The following NPC1 variants were observed in gnomAD, a reference collection of about 807,000 sequenced individuals.
The protein encoded by NPC1 is Niemann-Pick C1 protein.
NPC1 carries 85 observed loss-of-function variants against 140.4 expected under a neutral mutation model. That is an observed-to-expected ratio of 0.61 (90% confidence interval 0.51 to 0.72). NPC1 has a LOEUF of 0.72. Among genes scored for constraint, NPC1 ranks in the 30% least tolerant of loss-of-function variants. The pLI is 0.00. For missense variants in NPC1, 1,504 were observed against 1,623.8 expected (o/e 0.93, Z 1.27); for synonymous variants, 656 against 624.8 (o/e 1.05, Z -0.74).
rs750292546 is a variant in NPC1 at position 23,556,257 on chromosome 18, G to A, written c.1312C>T (p.Gln438Ter). The A allele has an allele frequency of 6.2e-7, 1 of 1,614,118 alleles. No homozygotes were observed. The highest frequency in any genetic ancestry group is 1.7e-5 in the Admixed American group (1 of 60,026). ...CAGCAGGTTACCTGGTGCAGTATCTGTATGTCAAGCGGAGGTCCAAAGGGT... is the reference window on the plus strand; with the variant it reads ...CAGCAGGTTACCTGGTGCAGTATCTATATGTCAAGCGGAGGTCCAAAGGGT... ...DVPFGPPLDI[Q>*]ILHQVLDLQI... The change falls in exon 8 of 25, where the codon CAG becomes TAG. Residue 438 changes from glutamine to a stop codon, truncating the protein, a stop_gained. Transcript: ENST00000269228. LOFTEE classifies it high-confidence loss of function.
In NPC1 at chr18:23,531,473, CAAAGCAGATAGGGTAACCCCAAAACTT is replaced by C; in HGVS notation, c.*702_*728del. The C allele has an allele frequency of 7.0e-7, 1 of 1,419,098 alleles. No individual in the cohort carries two copies. Among genetic ancestry groups the C allele is most frequent in the East Asian group, 2.5e-5 (1 of 39,738 alleles). 87.9% of individuals were successfully genotyped at this position (1,419,098 alleles called of 1,614,324 possible). A position where few individuals can be genotyped will look rare whatever the true frequency, so the allele number is the denominator to read the frequency against. The stretch of plus-strand genomic sequence containing the variant: ...CCATTTAGCTTTTGTATTTGTCTCT[CAAAGCAGATAGGGTAACCCCAAAACTT>C]AGGAAAACAATGTATTTTATTAAAG... On this transcript the variant is annotated 3_prime_UTR_variant, in exon 25 of 25. Coordinates refer to ENST00000269228, the MANE Select transcript of NPC1 (RefSeq NM_000271.5).
intron 22 of NPC1, 48 bp downstream of exon 22, chr18:23,535,421 C>CA (rs746697517): frequency 7.4e-7 from 1 of 1,345,250 alleles, no homozygotes; most frequent in African/African-American, 1.4e-5. Context: ...CCAATTCCCC[C>CA]AAGTGAAACA....
chr18:23,525,423 A>T (rs1484889580), downstream of NPC1, among the ~76,000 whole-genome samples: 3 of 150,520 alleles, frequency 2.0e-5, no homozygotes, highest in Admixed American at 6.6e-5. Flanking sequence ...AATTTATTAT[A>T]ATAATAATAA....
chr18:23,509,943 C>T (rs905028911), intron 3 of NPC1, among the ~76,000 whole-genome samples: 1 of 151,112 alleles, frequency 6.6e-6, no homozygotes, highest in Non-Finnish European at 1.5e-5. Context: ...TCAACTCCTG[C>T]CTTGGCCACT....
downstream of NPC1, chr18:23,529,882 G>A: frequency 9.7e-7 from 1 of 1,034,242 alleles, no homozygotes; most frequent in East Asian, 2.4e-5. Flanking sequence ...AGGTCAAGTT[G>A]GGGTCTTTAC....
At chr18:23,541,531 C>CT in intron 14 of NPC1, 98 bp from the exon 15 acceptor site, 1 of 1,523,922 alleles carries the variant, frequency 6.6e-7, no homozygotes, top group African/African-American at 1.4e-5. Flanking sequence ...AAGGAGCCAG[C>CT]ACAGGCCAAA....
intron 20 of NPC1, among the ~76,000 whole-genome samples, chr18:23,537,780 AGCT>A (rs1203843655): frequency 1.3e-5 from 2 of 152,248 alleles, no homozygotes; most frequent in African/African-American, 4.8e-5. Context: ...GAGTAAATCA[AGCT>A]GCAAGATTCA....
intron 10 of NPC1, among the ~76,000 whole-genome samples, chr18:23,548,789 T>G (rs201983394): frequency 1.3e-5 from 2 of 152,272 alleles, no homozygotes; most frequent in South Asian, 2.1e-4. Flanking sequence ...TTTCTTTTTT[T>G]GGGGTGGGGG....
chr18:23,577,021 A>C (rs969866668), intron 1 of NPC1: 1 of 152,212 alleles, frequency 6.6e-6, no homozygotes, highest in African/African-American at 2.4e-5. Context: ...GGTAGAGCCG[A>C]GTGGCCTGTT....
At chr18:23,543,332 GA>G (rs34563465) in intron 14 of NPC1, 122 bp downstream of exon 14, 13,538 of 416,476 alleles carry the variant, frequency 0.033, no homozygotes, top group Middle Eastern at 0.049. Context: ...CCGTCTCAGA[GA>G]AAAAAAAAAA....
intron 11 of NPC1, among the ~76,000 whole-genome samples, chr18:23,547,587 C>CA (rs1390235769): frequency 6.6e-6 from 1 of 151,958 alleles, no homozygotes; most frequent in African/African-American, 2.4e-5. Flanking sequence ...CAAACAAATA[C>CA]AAAAATTAGC....
intron 3 of NPC1, among the ~76,000 whole-genome samples, chr18:23,570,369 G>A (rs531172543): frequency 2.2e-4 from 33 of 152,276 alleles, no homozygotes; most frequent in African/African-American, 7.7e-4. Flanking sequence ...CACCTACGGT[G>A]GATCCTAAAT....
At chr18:23,512,490 G>A (rs1209834378) in intron 3 of NPC1, among the ~76,000 whole-genome samples, 6 of 151,718 alleles carry the variant, frequency 4.0e-5, no homozygotes, top group African/African-American at 1.5e-4. Context: ...GCACAATCAC[G>A]GCTCACTGCA....
downstream of NPC1, among the ~76,000 whole-genome samples, chr18:23,518,121 G>A (rs1375106333): frequency 6.6e-6 from 1 of 152,236 alleles, no homozygotes; most frequent in Non-Finnish European, 1.5e-5. Context: ...CCCTGGGCAG[G>A]CCCAGCACAG....
At chr18:23,519,803 CG>C (rs1178934080), downstream of NPC1, among the ~76,000 whole-genome samples, 22 of 152,168 alleles carry the variant, frequency 1.4e-4, no homozygotes, top group African/African-American at 5.3e-4. Flanking sequence ...GTTTTGAGGC[CG>C]TGTGGACCAG....
intron 3 of NPC1, among the ~76,000 whole-genome samples, chr18:23,511,420 C>T (rs8094196): frequency 0.012 from 1,773 of 152,224 alleles, 38 homozygotes; most frequent in African/African-American, 0.041. Context: ...CCACAAACCC[C>T]GTGACATGAG....
intron 4 of NPC1, among the ~76,000 whole-genome samples, chr18:23,567,829 T>C (rs2059148072): frequency 6.6e-6 from 1 of 152,362 alleles, no homozygotes. Flanking sequence ...TTCCTATTGC[T>C]TCACATTTTC....
At chr18:23,553,755 A>G (rs2058908891) in intron 9 of NPC1, among the ~76,000 whole-genome samples, 1 of 152,166 alleles carries the variant, frequency 6.6e-6, no homozygotes, top group Non-Finnish European at 1.5e-5. Flanking sequence ...ATTCCCCTAC[A>G]GGTCACCAAA....
chr18:23,586,489 C>A lies in NPC1; in HGVS notation c.-146G>T. ...AGGCGCTGACCGCGGCAGCAGGCTG[C>A]GCGCGCCGGTCAGGAAGGAAGAAGG... On this transcript the variant is annotated 5_prime_UTR_variant, in exon 1 of 25. Transcript: ENST00000269228. 1 of 1,422,134 alleles carries A rather than the reference C, an allele frequency of 7.0e-7. No individual in the cohort carries two copies. Among genetic ancestry groups the A allele is most frequent in the Non-Finnish European group, 9.1e-7 (1 of 1,095,916 alleles). The allele number at this position is 1,422,134 out of a possible 1,614,324, so 88.1% of individuals were successfully genotyped here. A position where few individuals can be genotyped will look rare whatever the true frequency, so the allele number is the denominator to read the frequency against.
Sources: gnomAD v4.1 joint callset for allele counts (sites outside exome capture counted in the v4.1 genomes callset) on GRCh38, gnomAD v4.1.1 for gene constraint, MANE v1.5 for transcripts, NCBI Gene and HGNC (gene_info 2026-07-23, HGNC 2026-07-21) for gene names.